The following HP1BP3 variants were observed in gnomAD, a reference collection of about 807,000 sequenced individuals.
HP1BP3 encodes the protein heterochromatin protein 1 binding protein 3.
HP1BP3 carries 12 observed loss-of-function variants against 62.5 expected under a neutral mutation model. That is an observed-to-expected ratio of 0.19 (90% CI 0.12 to 0.31). The LOEUF is 0.31. HP1BP3 is among the 10% of genes least tolerant of loss of function. The pLI, the probability that HP1BP3 is intolerant of heterozygous loss-of-function variation, is 1.00. For synonymous variants in HP1BP3, 260 were observed against 237.8 expected (o/e 1.09, Z -0.86); for missense variants, 502 against 651.8 (o/e 0.77, Z 2.50).
At chr1:20,746,210 G>A (rs1445806316) in intron 11 of HP1BP3, among the ~76,000 whole-genome samples, 1 of 151,534 alleles carries the variant, frequency 6.6e-6, no homozygotes, top group Admixed American at 6.6e-5. Flanking sequence ...GTGTGTGTGT[G>A]TGTGTGTGTG....
At chr1:20,746,190 G>GTGTGTGTA (rs2055317263) in intron 11 of HP1BP3, among the ~76,000 whole-genome samples, 2 of 63,196 alleles carry the variant, frequency 3.2e-5, no homozygotes, top group Admixed American at 2.9e-4. Context: ...ACATATATGT[G>GTGTGTGTA]TGTGTGTGTG....
chr1:20,770,503 A>AG (rs921171687), intron 6 of HP1BP3, among the ~76,000 whole-genome samples: 8 of 151,898 alleles, frequency 5.3e-5, no homozygotes, highest in African/African-American at 1.9e-4. Context: ...TTTGTAGAGA[A>AG]GGGGTCTTGC....
chr1:20,768,907 C>A (rs1010056799), intron 6 of HP1BP3, among the ~76,000 whole-genome samples: 7 of 152,176 alleles, frequency 4.6e-5, no homozygotes, highest in Admixed American at 4.6e-4. Flanking sequence ...AGCAATCAAG[C>A]TGGAATGCTT....
At chr1:20,747,122 A>T (rs1208249611) in intron 11 of HP1BP3, among the ~76,000 whole-genome samples, 1 of 152,220 alleles carries the variant, frequency 6.6e-6, no homozygotes, top group Non-Finnish European at 1.5e-5. Context: ...ATCTCAAATA[A>T]TCTTATGCCT....
At chr1:20,778,212 A>G (rs2057387618) in intron 3 of HP1BP3, among the ~76,000 whole-genome samples, 1 of 152,246 alleles carries the variant, frequency 6.6e-6, no homozygotes, top group Non-Finnish European at 1.5e-5. Context: ...ATGGCTTAAT[A>G]AAGTTCAGTC....
At position 20,747,661 on chromosome 1, in the gene HP1BP3, A is replaced by T; in HGVS notation, c.1142-6T>A. 5.7e-6 allele frequency: 9 copies of T among 1,587,654 alleles called. No individual in the cohort carries two copies. The highest frequency in any genetic ancestry group is 7.8e-6 in the Non-Finnish European group (9 of 1,159,526). ...GGTTTTTTTCAGCAAATGCACTGAA[A>T]AAAAAAATTCAGAAATGAAAGTTAT... On this transcript the variant is annotated splice_polypyrimidine_tract_variant and splice_region_variant and intron_variant, in intron 10 of 12. Coordinates refer to ENST00000438032, the MANE Select transcript of HP1BP3 (RefSeq NM_001372052.1).
At chr1:20,772,880 T>C (rs556711445) in intron 5 of HP1BP3, among the ~76,000 whole-genome samples, 2 of 152,286 alleles carry the variant, frequency 1.3e-5, no homozygotes, top group African/African-American at 4.8e-5. Flanking sequence ...AAATCATAAA[T>C]CTATGTAAGG....
intron 4 of HP1BP3, among the ~76,000 whole-genome samples, chr1:20,775,169 A>G (rs1401963872): frequency 2.0e-5 from 3 of 152,154 alleles, no homozygotes; most frequent in Non-Finnish European, 4.4e-5. Context: ...GTATTCCAAA[A>G]GACAGCACTG....
chr1:20,768,307 G>C (rs569926506), intron 6 of HP1BP3, among the ~76,000 whole-genome samples: 1 of 152,204 alleles, frequency 6.6e-6, no homozygotes, highest in South Asian at 2.1e-4. Context: ...TTAGCCGGGC[G>C]TGGTGGCGGG....
At chr1:20,759,051 C>G (rs1489527672) in intron 8 of HP1BP3, among the ~76,000 whole-genome samples, 1 of 152,040 alleles carries the variant, frequency 6.6e-6, no homozygotes, top group Non-Finnish European at 1.5e-5. Context: ...CAATTAAGGA[C>G]ATTTGAACAT....
chr1:20,774,618 G>C (rs2057216821), intron 4 of HP1BP3: 1 of 152,112 alleles, frequency 6.6e-6, no homozygotes, highest in Non-Finnish European at 1.5e-5. Context: ...TAATATCACA[G>C]CGCAGCACGT....
chr1:20,777,875 T>C (rs1462067668), intron 3 of HP1BP3, among the ~76,000 whole-genome samples: 11 of 152,258 alleles, frequency 7.2e-5, no homozygotes, highest in Non-Finnish European at 1.0e-4. Context: ...GCTTCTAGAA[T>C]TGTTTCCCAT....
At chr1:20,776,571 A>T in intron 4 of HP1BP3, 26 bp downstream of exon 4, 1 of 1,584,788 alleles carries the variant, frequency 6.3e-7, no homozygotes, top group Non-Finnish European at 8.6e-7. Flanking sequence ...TTCAAATATA[A>T]ATAGCAAGAA....
intron 8 of HP1BP3, among the ~76,000 whole-genome samples, chr1:20,758,789 T>C (rs567133897): frequency 9.3e-4 from 141 of 151,988 alleles, no homozygotes; most frequent in African/African-American, 3.3e-3. Flanking sequence ...GTTGGGACTA[T>C]AGGCACATGC....
At chr1:20,764,671 A>G (rs2056675435) in intron 8 of HP1BP3, among the ~76,000 whole-genome samples, 1 of 149,448 alleles carries the variant, frequency 6.7e-6, no homozygotes, top group Admixed American at 6.7e-5. Context: ...TCTTACAAAG[A>G]AAGATAAGAT....
At position 20,741,785 on chromosome 1, in the gene HP1BP3, C is replaced by A. The variant is rs2154539240; in HGVS notation, c.*3012G>T. 6.6e-6 allele frequency among the ~76,000 whole-genome samples: 1 copy of A among 152,336 alleles called. No individual in the cohort carries two copies. Among genetic ancestry groups the A allele is most frequent in the Middle Eastern group, 3.4e-3 (1 of 294 alleles). On this transcript the variant is annotated 3_prime_UTR_variant, in exon 13 of 13. Coordinates refer to ENST00000438032, the MANE Select transcript of HP1BP3 (RefSeq NM_001372052.1). ...GTAAATGAGGTCACTAAGCCACCAACAGAGTACTGAAGCTATTGATCCATG... is the reference window on the plus strand; with the variant it reads ...GTAAATGAGGTCACTAAGCCACCAAAAGAGTACTGAAGCTATTGATCCATG...
rs1054159334 is a variant in HP1BP3 at position 20,743,194 on chromosome 1, G to GA, written c.*1602dup. On this transcript the variant is annotated 3_prime_UTR_variant, in exon 13 of 13. Coordinates refer to ENST00000438032, the MANE Select transcript of HP1BP3 (RefSeq NM_001372052.1). ...AAAGTGCTGTGGAAAGAAAGGAGGG[G>GA]AAAAAAACCCACAAATAAATGTAGA... The GA allele has an allele frequency of 2.7e-5, 4 of 148,662 alleles. No individual in the cohort carries two copies. Among genetic ancestry groups the GA allele is most frequent in the Non-Finnish European group, 4.5e-5 (3 of 67,162 alleles). The allele number at this position is 148,662 out of a possible 1,614,324, so 9.2% of individuals were successfully genotyped here.
intron 1 of HP1BP3, chr1:20,786,086 G>C (rs2057809917): frequency 6.8e-6 from 1 of 147,108 alleles, no homozygotes. Context: ...CACCCGGTCC[G>C]GTCTCCGTAC....
At position 20,742,469 on chromosome 1, in the gene HP1BP3, GATTC is replaced by G. The variant is rs2055109444; in HGVS notation, c.*2324_*2327del. On this transcript the variant is annotated 3_prime_UTR_variant, in exon 13 of 13. Transcript: ENST00000438032. ...ATACAAAATGATTTTTTAAACCTTT[GATTC>G]ATTAAGTAATTAGCATTCAATGTAT... Among the ~76,000 whole-genome samples the G allele has an allele frequency of 6.6e-6, 1 of 152,014 alleles. No homozygotes were observed. Among genetic ancestry groups the G allele is most frequent in the African/African-American group, 2.4e-5 (1 of 41,376 alleles).
Sources: gnomAD v4.1 joint callset for allele counts (sites outside exome capture counted in the v4.1 genomes callset) on GRCh38, gnomAD v4.1.1 for gene constraint, MANE v1.5 for transcripts, NCBI Gene and HGNC (gene_info 2026-07-23, HGNC 2026-07-21) for gene names.